The following VIPR1 variants were observed in gnomAD, a reference collection of about 807,000 sequenced individuals.
The protein encoded by VIPR1 is vasoactive intestinal peptide receptor 1.
Under a neutral mutation model 58.8 loss-of-function variants are expected in VIPR1, and 59 were observed. The ratio of observed to expected loss-of-function variants is 1.00; its 90% CI spans 0.81 to 1.25. VIPR1 has a LOEUF of 1.25. Among genes scored for constraint, VIPR1 ranks in the 50% most tolerant of loss-of-function variants. VIPR1 has a pLI of 0.00. For synonymous variants in VIPR1, 251 were observed against 242.1 expected (o/e 1.04, Z -0.34); for missense variants, 626 against 602.7 (o/e 1.04, Z -0.40).
chr3:42,521,857 C>T (rs1456681575), intron 3 of VIPR1, among the ~76,000 whole-genome samples: 2 of 151,170 alleles, frequency 1.3e-5, no homozygotes, highest in Non-Finnish European at 2.9e-5. Flanking sequence ...AAGCAATTCT[C>T]CTGCCTCAGC....
chr3:42,514,179 C>T (rs1417533412), intron 2 of VIPR1, among the ~76,000 whole-genome samples: 1 of 152,066 alleles, frequency 6.6e-6, no homozygotes, highest in African/African-American at 2.4e-5. Flanking sequence ...ACCCAGGACA[C>T]AAGGCCCAGG....
At chr3:42,496,674 G>T (rs1157743126) in intron 1 of VIPR1, among the ~76,000 whole-genome samples, 1 of 152,184 alleles carries the variant, frequency 6.6e-6, no homozygotes, top group Non-Finnish European at 1.5e-5. Context: ...CTAACAATAT[G>T]AATTATCCTC....
intron 1 of VIPR1, among the ~76,000 whole-genome samples, chr3:42,491,231 TA>T (rs1020695353): frequency 6.6e-6 from 1 of 152,194 alleles, no homozygotes; most frequent in African/African-American, 2.4e-5. Context: ...AAACAACTGG[TA>T]AAAATAAATA....
At chr3:42,491,097 C>G (rs900194357) in intron 1 of VIPR1, among the ~76,000 whole-genome samples, 1 of 152,062 alleles carries the variant, frequency 6.6e-6, no homozygotes, top group African/African-American at 2.4e-5. Context: ...GGAGGATGCC[C>G]GTGCGCAGAA....
At chr3:42,532,180 A>G in intron 9 of VIPR1, 62 bp from the exon 10 acceptor site, 1 of 1,501,176 alleles carries the variant, frequency 6.7e-7, no homozygotes, top group East Asian at 2.3e-5. Context: ...CCAGCAGTCA[A>G]GGGGCCTGAA....
At chr3:42,522,101 A>ATATATTT (rs1419353370) in intron 3 of VIPR1, among the ~76,000 whole-genome samples, 2 of 35,370 alleles carry the variant, frequency 5.7e-5, no homozygotes, top group African/African-American at 2.1e-4. Context: ...ATATATATAT[A>ATATATTT]TTTTTTTTTT....
At chr3:42,516,281 C>T (rs939123357) in intron 2 of VIPR1, among the ~76,000 whole-genome samples, 1 of 152,188 alleles carries the variant, frequency 6.6e-6, no homozygotes, top group South Asian at 2.1e-4. Context: ...CTCATTAGGG[C>T]AGGCACACAG....
chr3:42,526,103 C>G (rs1242680752), intron 4 of VIPR1, 110 bp downstream of exon 4: 1 of 1,071,876 alleles, frequency 9.3e-7, no homozygotes, highest in Admixed American at 2.2e-5. Context: ...GAACAGGACT[C>G]CTGGAGTCTG....
intron 1 of VIPR1, among the ~76,000 whole-genome samples, chr3:42,510,216 T>C (rs890301925): frequency 1.3e-5 from 2 of 152,212 alleles, no homozygotes; most frequent in African/African-American, 4.8e-5. Flanking sequence ...TGCTCTACTT[T>C]CTGGGGTGCT....
intron 3 of VIPR1, among the ~76,000 whole-genome samples, chr3:42,522,102 T>TATCTATA (rs1553638336): frequency 7.3e-5 from 1 of 13,702 alleles, no homozygotes; most frequent in Non-Finnish European, 1.1e-4. Context: ...TATATATATA[T>TATCTATA]TTTTTTTTTT....
At chr3:42,514,053 A>G (rs1432379708) in intron 2 of VIPR1, among the ~76,000 whole-genome samples, 199 bp downstream of exon 2, 1 of 152,178 alleles carries the variant, frequency 6.6e-6, no homozygotes, top group Non-Finnish European at 1.5e-5. Flanking sequence ...TCCCAGCCGC[A>G]GCTAAGGAGG....
chr3:42,507,809 G>T (rs1398130996), intron 1 of VIPR1: 1 of 152,186 alleles, frequency 6.6e-6, no homozygotes, highest in Non-Finnish European at 1.5e-5. Flanking sequence ...ATCACTCTGA[G>T]ATGTGGAAAG....
chr3:42,511,235 G>A (rs1423530397), intron 1 of VIPR1, among the ~76,000 whole-genome samples: 2 of 152,208 alleles, frequency 1.3e-5, no homozygotes, highest in African/African-American at 2.4e-5. Context: ...TTTTATCCGT[G>A]TGTTCCACTT....
intron 3 of VIPR1, among the ~76,000 whole-genome samples, chr3:42,521,080 T>C (rs1700891744): frequency 6.6e-6 from 1 of 152,174 alleles, no homozygotes; most frequent in Non-Finnish European, 1.5e-5. Flanking sequence ...TCCCTGAGAC[T>C]CTGCTAACTG....
chr3:42,504,742 G>A (rs1442738648), intron 1 of VIPR1, among the ~76,000 whole-genome samples: 19 of 144,124 alleles, frequency 1.3e-4, no homozygotes, highest in South Asian at 2.3e-4. Flanking sequence ...TGCTCTAGCC[G>A]GACTCGGTGT....
intron 3 of VIPR1, among the ~76,000 whole-genome samples, chr3:42,524,216 C>T (rs1356311761): frequency 6.6e-6 from 1 of 152,214 alleles, no homozygotes; most frequent in African/African-American, 2.4e-5. Context: ...AGTTAGCTCC[C>T]TGGAACTGGG....
At position 42,535,086 on chromosome 3, in the gene VIPR1, C is replaced by T. The variant is rs1195928873; in HGVS notation, c.1122C>T (p.Leu374=). 6.2e-6 allele frequency: 10 copies of T among 1,614,086 alleles called. No homozygotes were observed. Among genetic ancestry groups the T allele is most frequent in the East Asian group, 2.2e-5 (1 of 44,896 alleles). ...FKPEVKMVFE[L]VVGSFQGFVV... is the part of the protein sequence containing the mutation. ...CTGAAGTGAAGATGGTCTTTGAGCTCGTCGTGGGGTCTTTCCAGGTATGGG... is the reference window on the plus strand; with the variant it reads ...CTGAAGTGAAGATGGTCTTTGAGCTTGTCGTGGGGTCTTTCCAGGTATGGG... The change falls in exon 11 of 13, where the codon CTC becomes CTT. Residue 374 remains leucine (L), a synonymous_variant. Coordinates refer to ENST00000325123, the MANE Select transcript of VIPR1 (RefSeq NM_004624.4).
intron 3 of VIPR1, among the ~76,000 whole-genome samples, chr3:42,525,212 C>T (rs781070825): frequency 6.6e-6 from 1 of 152,044 alleles, no homozygotes; most frequent in Non-Finnish European, 1.5e-5. Flanking sequence ...ACCCCCTAAG[C>T]GGTCCTGTCT....
rs751164992 is a variant in VIPR1, at chr3:42,528,005, C to T, written c.518C>T (p.Thr173Met). The T allele has an allele frequency of 1.2e-5, 20 of 1,613,862 alleles. No individual in the cohort carries two copies. The highest frequency in any genetic ancestry group is 7.7e-5 in the South Asian group (7 of 91,080). ...ACCCCACACAGGAAGCTCCACTGCA[C>T]GCGGAACTACATCCACATGCACCTC... Reference protein sequence around the residue: ...ILSLFRKLHCTRNYIHMHLFI... With the variant: ...ILSLFRKLHCMRNYIHMHLFI... The change falls in exon 6 of 13, where the codon ACG becomes ATG. Residue 173 changes from threonine to methionine, a missense_variant. Thr to Met is a moderately conservative substitution (Grantham distance 81). Transcript: ENST00000325123.
Sources: gnomAD v4.1 joint callset for allele counts (sites outside exome capture counted in the v4.1 genomes callset) on GRCh38, gnomAD v4.1.1 for gene constraint, MANE v1.5 for transcripts, NCBI Gene and HGNC (gene_info 2026-07-23, HGNC 2026-07-21) for gene names.